GRM8: variants seen among roughly 807,000 people sequenced by gnomAD.
GRM8 encodes the protein glutamate metabotropic receptor 8, also known as metabotropic glutamate receptor 8.
GRM8 carries 47 observed loss-of-function variants against 87.2 expected under a neutral mutation model. That is an observed-to-expected ratio of 0.54 (90% CI 0.43 to 0.69). The LOEUF (loss-of-function observed/expected upper bound fraction) is 0.69. Ranked by LOEUF, GRM8 falls within the 30% of genes least tolerant of loss-of-function variation. The pLI, the probability that GRM8 is intolerant of heterozygous loss-of-function variation, is 0.00. For missense variants in GRM8, 1,019 were observed against 1,139.2 expected, an observed-to-expected ratio of 0.89 and a Z score of 1.52; for synonymous variants, 396 against 404.5, an observed-to-expected ratio of 0.98 and a Z score of 0.25.
chr7:126,535,308 T>C (rs1815524510), intron 8 of GRM8, among the ~76,000 whole-genome samples: 3 of 152,132 alleles, frequency 2.0e-5, no homozygotes, highest in African/African-American at 4.8e-5. Context: ...TCGGCCTTGC[T>C]CTCTGCTGGA....
chr7:126,515,059 T>C (rs914668370), intron 9 of GRM8, among the ~76,000 whole-genome samples: 36 of 152,122 alleles, frequency 2.4e-4, no homozygotes, highest in Non-Finnish European at 3.8e-4. Flanking sequence ...CTGATATAAA[T>C]GTGTGTGTTG....
chr7:126,732,544 A>C (rs757923759), intron 7 of GRM8, among the ~76,000 whole-genome samples: 2 of 152,142 alleles, frequency 1.3e-5, no homozygotes, highest in African/African-American at 2.4e-5. Context: ...AGAAGAAAAC[A>C]TATTTTTCCT....
intron 2 of GRM8, among the ~76,000 whole-genome samples, chr7:127,131,127 T>G (rs1171884411): frequency 6.6e-6 from 1 of 152,214 alleles, no homozygotes; most frequent in Non-Finnish European, 1.5e-5. Context: ...ATGAAAATAT[T>G]CACTAAGCCA....
rs576493115 is a variant in GRM8 at position 127,102,931 on chromosome 7, C to T, written c.727+3565G>A. On this transcript the variant is annotated intron_variant, in intron 3 of 10. Transcript: ENST00000339582. ...AGGTTGAAGTGCATTGGTGGAATCT[C>T]GGCTCACTGCAACCTCCACCTCCCA... Among the ~76,000 whole-genome samples, 12 of 152,308 alleles carry T rather than the reference C, an allele frequency of 7.9e-5. No homozygotes were observed. In the East Asian group the frequency reaches 2.1e-3, roughly 27 times the overall value.
chr7:126,673,032 T>A (rs1383544453), intron 7 of GRM8, among the ~76,000 whole-genome samples: 7 of 152,170 alleles, frequency 4.6e-5, no homozygotes, highest in African/African-American at 1.7e-4. Flanking sequence ...TGGGAGGGGG[T>A]GCCTGGAGAA....
chr7:127,077,078 T>G (rs1277710851), intron 3 of GRM8, among the ~76,000 whole-genome samples: 1 of 152,120 alleles, frequency 6.6e-6, no homozygotes, highest in East Asian at 1.9e-4. Context: ...TGTCCCATAT[T>G]ATTTCCATAT....
At chr7:127,009,623 A>G (rs11563793) in intron 3 of GRM8, among the ~76,000 whole-genome samples, 14,547 of 152,194 alleles carry the variant, frequency 0.096, 758 homozygotes, top group Middle Eastern at 0.12. Flanking sequence ...TTTAAAGAAA[A>G]GTAAAAATGA....
intron 2 of GRM8, among the ~76,000 whole-genome samples, chr7:127,121,458 C>T (rs1827080132): frequency 6.6e-6 from 1 of 152,142 alleles, no homozygotes; most frequent in African/African-American, 2.4e-5. Context: ...GGAATGGAAT[C>T]CCCCTCCTTT....
At chr7:126,641,886 T>C (rs1031995123) in intron 7 of GRM8, among the ~76,000 whole-genome samples, 4 of 152,102 alleles carry the variant, frequency 2.6e-5, no homozygotes, top group African/African-American at 9.7e-5. Flanking sequence ...TGTTCTTTTT[T>C]ATCTGAAAAA....
chr7:126,883,995 G>A (rs1267556872), intron 6 of GRM8, among the ~76,000 whole-genome samples: 1 of 152,092 alleles, frequency 6.6e-6, no homozygotes, highest in Non-Finnish European at 1.5e-5. Context: ...AATTTAGCAA[G>A]AAGTTATTAA....
intron 3 of GRM8, among the ~76,000 whole-genome samples, chr7:126,994,992 G>A (rs1242464288): frequency 6.6e-6 from 1 of 152,168 alleles, no homozygotes; most frequent in African/African-American, 2.4e-5. Context: ...CAGTGGTGGT[G>A]GCCACAGGGG....
intron 6 of GRM8, chr7:126,869,394 A>G (rs1206107783): frequency 6.6e-6 from 1 of 152,238 alleles, no homozygotes; most frequent in Non-Finnish European, 1.5e-5. Context: ...TCTTAATGGC[A>G]TCTAGAATTA....
chr7:126,794,292 G>A (rs911483400), intron 6 of GRM8, among the ~76,000 whole-genome samples: 2 of 152,012 alleles, frequency 1.3e-5, no homozygotes, highest in Non-Finnish European at 2.9e-5. Flanking sequence ...ATTTTGCTCA[G>A]CAGGAGCTTA....
chr7:126,893,390 T>G (rs892707039), intron 6 of GRM8, among the ~76,000 whole-genome samples: 1 of 151,996 alleles, frequency 6.6e-6, no homozygotes, highest in Non-Finnish European at 1.5e-5. Flanking sequence ...ACTATCAGAA[T>G]AGTACATTTT....
intron 9 of GRM8, among the ~76,000 whole-genome samples, chr7:126,464,756 T>A (rs547534447): frequency 6.6e-6 from 1 of 151,894 alleles, no homozygotes; most frequent in East Asian, 1.9e-4. Context: ...AACAAACTAA[T>A]AAGCAAAGAG....
intron 8 of GRM8, among the ~76,000 whole-genome samples, chr7:126,600,299 T>G (rs942999055): frequency 6.6e-6 from 1 of 152,132 alleles, no homozygotes; most frequent in African/African-American, 2.4e-5. Flanking sequence ...CTACATTGGT[T>G]TTTTTCAATC....
At chr7:126,943,503 G>C (rs1807196951) in intron 3 of GRM8, among the ~76,000 whole-genome samples, 1 of 152,218 alleles carries the variant, frequency 6.6e-6, no homozygotes, top group Non-Finnish European at 1.5e-5. Flanking sequence ...ATCAAAGGCT[G>C]GCACAAAACT....
chr7:126,852,905 A>C (rs1261965752), intron 6 of GRM8, among the ~76,000 whole-genome samples: 1 of 152,214 alleles, frequency 6.6e-6, no homozygotes, highest in Non-Finnish European at 1.5e-5. Context: ...GTCCTTGATC[A>C]TAATAATCAT....
intron 6 of GRM8, among the ~76,000 whole-genome samples, chr7:126,778,129 C>T (rs1193267102): frequency 2.6e-5 from 4 of 152,126 alleles, no homozygotes; most frequent in South Asian, 2.1e-4. Flanking sequence ...TGAGCCACTA[C>T]CTTATCTATT....
Sources: gnomAD v4.1 joint callset for allele counts (sites outside exome capture counted in the v4.1 genomes callset) on GRCh38, gnomAD v4.1.1 for gene constraint, MANE v1.5 for transcripts, NCBI Gene and HGNC (gene_info 2026-07-23, HGNC 2026-07-21) for gene names.